The following NSDHL variants were observed in gnomAD, a reference collection of about 807,000 sequenced individuals.
NSDHL encodes the protein NAD(P) dependent 3-beta-hydroxysteroid dehydrogenase NSDHL.
A neutral mutation model predicts 23.0 loss-of-function variants in NSDHL; 1 was observed. That is an observed-to-expected ratio of 0.04 (90% confidence interval 0.02 to 0.21). The LOEUF is 0.21. Among genes scored for constraint, NSDHL ranks in the 10% least tolerant of loss-of-function variants. The pLI is 1.00. For missense variants in NSDHL, 237 were observed against 300.9 expected (o/e 0.79, Z 1.57); for synonymous variants, 128 against 121.1 (o/e 1.06, Z -0.37).
chrX:152,833,480 C>A (rs939268869), intron 1 of NSDHL, among the ~76,000 whole-genome samples: 1 of 110,658 alleles, frequency 9.0e-6, no homozygotes, highest in South Asian at 3.8e-4. Flanking sequence ...ATCTTTCCCC[C>A]CTTGTAACTC....
Position 152,868,909 on chromosome X carries a change from C to T in NSDHL, c.915C>T (p.Leu305=), listed in dbSNP as rs782094666. The change falls in exon 8 of 8, where the codon CTC becomes CTT. Residue 305 remains leucine, a synonymous_variant. Coordinates refer to ENST00000370274, the MANE Select transcript of NSDHL (RefSeq NM_015922.3). ...ACTGGGTGGCCTACTACCTGGCCCTCCTGCTATCCCTGCTGGTGATGGTGA... is the reference window on the plus strand; with the variant it reads ...ACTGGGTGGCCTACTACCTGGCCCTTCTGCTATCCCTGCTGGTGATGGTGA... ...IPYWVAYYLA[L]LLSLLVMVIS... 3 of 1,211,975 alleles carry T rather than the reference C, an allele frequency of 2.5e-6. No individual in the cohort carries two copies. The highest frequency in any genetic ancestry group is 3.3e-6 in the Non-Finnish European group (3 of 895,545).
chrX:152,866,086 G>T, intron 6 of NSDHL, 125 bp downstream of exon 6: 1 of 799,141 alleles, frequency 1.3e-6, no homozygotes, highest in Non-Finnish European at 1.9e-6. Flanking sequence ...GTCCATGCAG[G>T]CTGCTGTAAC....
intron 1 of NSDHL, among the ~76,000 whole-genome samples, chrX:152,835,334 G>C (rs995639749): frequency 7.4e-5 from 8 of 108,272 alleles, no homozygotes; most frequent in Non-Finnish European, 1.3e-4. Context: ...TTAAGTTCTA[G>C]GGTACATGTG....
intron 1 of NSDHL, among the ~76,000 whole-genome samples, chrX:152,839,136 C>G (rs1004444134): frequency 3.6e-5 from 4 of 111,117 alleles, no homozygotes; most frequent in African/African-American, 1.3e-4. Context: ...CTTTTTTTTG[C>G]TTTCCATTTG....
intron 1 of NSDHL, among the ~76,000 whole-genome samples, chrX:152,832,254 A>C (rs1362042567): frequency 9.0e-6 from 1 of 111,372 alleles, no homozygotes; most frequent in Non-Finnish European, 1.9e-5. Context: ...ACCTTGCTCT[A>C]CTTTTTTTTC....
intron 1 of NSDHL, among the ~76,000 whole-genome samples, chrX:152,839,321 G>A (rs782615889): frequency 8.9e-6 from 1 of 112,148 alleles, no homozygotes; most frequent in South Asian, 3.7e-4. Flanking sequence ...ATTGTTATGT[G>A]TGAATTTGAT....
At chrX:152,843,368 C>T (rs1214012287) in intron 1 of NSDHL, among the ~76,000 whole-genome samples, 1 of 112,185 alleles carries the variant, frequency 8.9e-6, no homozygotes, top group African/African-American at 3.2e-5. Flanking sequence ...AACTGGGTGA[C>T]TTAGAAAAGC....
At chrX:152,831,479 G>T (rs1933013128) in intron 1 of NSDHL, among the ~76,000 whole-genome samples, 1 of 110,771 alleles carries the variant, frequency 9.0e-6, no homozygotes, top group Admixed American at 9.6e-5. Flanking sequence ...TCCAAGAGAG[G>T]ATCACTTTAG....
At chrX:152,845,444 A>G (rs922204012) in intron 1 of NSDHL, among the ~76,000 whole-genome samples, 6 of 111,836 alleles carry the variant, frequency 5.4e-5, no homozygotes, top group African/African-American at 1.6e-4. Context: ...CTACCAAGAA[A>G]ACATGGATGC....
chrX:152,847,761 A>C (rs1398468737), intron 2 of NSDHL, among the ~76,000 whole-genome samples: 1 of 112,317 alleles, frequency 8.9e-6, no homozygotes, highest in Non-Finnish European at 1.9e-5. Flanking sequence ...CCCACTGCTG[A>C]CAACAAAGCA....
chrX:152,857,303 G>A (rs1187196211), intron 3 of NSDHL, among the ~76,000 whole-genome samples: 2 of 112,213 alleles, frequency 1.8e-5, no homozygotes, highest in Non-Finnish European at 3.8e-5. Context: ...CAAAGGAAAA[G>A]GTACCTTTTT....
At chrX:152,862,535 C>T in intron 4 of NSDHL, 61 bp from the exon 5 acceptor site, 8 of 1,064,943 alleles carry the variant, frequency 7.5e-6, no homozygotes, top group Non-Finnish European at 1.0e-5. Flanking sequence ...CATACAGGAT[C>T]ATGCACTGTT....
At chrX:152,841,412 G>A (rs1007692874) in intron 1 of NSDHL, among the ~76,000 whole-genome samples, 2 of 111,821 alleles carry the variant, frequency 1.8e-5, no homozygotes, top group Non-Finnish European at 3.8e-5. Context: ...GCTGCAGACC[G>A]GAGCTGTTCC....
chrX:152,858,601 T>C (rs1933478475), intron 3 of NSDHL, among the ~76,000 whole-genome samples, 169 bp from the exon 4 acceptor site: 2 of 111,896 alleles, frequency 1.8e-5, no homozygotes, highest in African/African-American at 6.5e-5. Context: ...TTGGTTTCCA[T>C]CCCATGTACT....
chrX:152,856,474 G>A (rs1441721654), intron 3 of NSDHL, among the ~76,000 whole-genome samples: 1 of 111,726 alleles, frequency 9.0e-6, no homozygotes, highest in Non-Finnish European at 1.9e-5. Context: ...TATTACTTCT[G>A]ATACTCCAAT....
intron 2 of NSDHL, among the ~76,000 whole-genome samples, chrX:152,848,904 T>G (rs781900300): frequency 1.8e-5 from 2 of 112,780 alleles, no homozygotes; most frequent in South Asian, 7.3e-4. Context: ...TCAGTCCAGG[T>G]GCAAATCATG....
At chrX:152,855,264 G>T (rs1457542504) in intron 3 of NSDHL, among the ~76,000 whole-genome samples, 4 of 110,915 alleles carry the variant, frequency 3.6e-5, no homozygotes, top group Non-Finnish European at 5.7e-5. Flanking sequence ...CAAAGTGCTC[G>T]GATTACAGGC....
rs184309436 is a variant in NSDHL, at chrX:152,866,790, C to T, written c.687-781C>T. Among the ~76,000 whole-genome samples the T allele has an allele frequency of 1.6e-3, 182 of 112,560 alleles. 1 individual carries two copies. Among genetic ancestry groups the T allele is most frequent in the African/African-American group, 5.2e-3 (162 of 30,940 alleles). On this transcript the variant is annotated intron_variant, in intron 6 of 7. Transcript: ENST00000370274. ...GCTCAGCTTAACTAATTGCATCTGC[C>T]GAGCCCCTATTTCCAAATAAGGTCA... is the stretch of plus-strand genomic sequence containing the variant.
chrX:152,860,045 A>T (rs782512285), intron 4 of NSDHL, among the ~76,000 whole-genome samples: 1 of 112,120 alleles, frequency 8.9e-6, no homozygotes, highest in South Asian at 3.7e-4. Flanking sequence ...CAGGTACTGC[A>T]TAAATTAAGA....
Sources: gnomAD v4.1 joint callset for allele counts (sites outside exome capture counted in the v4.1 genomes callset) on GRCh38, gnomAD v4.1.1 for gene constraint, MANE v1.5 for transcripts, NCBI Gene and HGNC (gene_info 2026-07-23, HGNC 2026-07-21) for gene names.